Variants in LIMD1 observed in about 807,000 individuals in gnomAD.
LIMD1 encodes LIM domain-containing protein 1.
LIMD1 carries 23 observed loss-of-function variants against 58.4 expected under a neutral mutation model. The ratio of observed to expected loss-of-function variants is 0.39; its 90% CI spans 0.28 to 0.56. The LOEUF (loss-of-function observed/expected upper bound fraction) is 0.56. Among genes scored for constraint, LIMD1 ranks in the 20% least tolerant of loss-of-function variants. The pLI is 0.57. For synonymous variants in LIMD1, 334 were observed against 345.5 expected (o/e 0.97, Z 0.37); for missense variants, 838 against 855.5 (o/e 0.98, Z 0.25).
intron 2 of LIMD1, among the ~76,000 whole-genome samples, chr3:45,651,988 G>A (rs1315666834): frequency 6.6e-6 from 1 of 151,498 alleles, no homozygotes; most frequent in Non-Finnish European, 1.5e-5. Flanking sequence ...GTGCAATGGT[G>A]TGATCTCGGC....
chr3:45,609,424 G>A (rs1424735149), intron 1 of LIMD1, among the ~76,000 whole-genome samples: 1 of 152,144 alleles, frequency 6.6e-6, no homozygotes, highest in Admixed American at 6.5e-5. Flanking sequence ...GTACACTACA[G>A]CCTCAAGCTC....
At chr3:45,620,114 A>C (rs79207696) in intron 1 of LIMD1, among the ~76,000 whole-genome samples, 1 of 152,122 alleles carries the variant, frequency 6.6e-6, no homozygotes, top group Non-Finnish European at 1.5e-5. Flanking sequence ...TGCACTACTC[A>C]GCCTGCATGA....
In LIMD1 at chr3:45,650,703, A is replaced by G. The variant is rs1701959794; in HGVS notation, c.1510+14452A>G. 1.3e-5 allele frequency among the ~76,000 whole-genome samples: 2 copies of G among 152,186 alleles called. 1 individual carries two copies. Among genetic ancestry groups the G allele is most frequent in the South Asian group, 4.1e-4 (2 of 4,822 alleles). On this transcript the variant is annotated intron_variant, in intron 2 of 7. Coordinates refer to ENST00000273317, the MANE Select transcript of LIMD1 (RefSeq NM_014240.3). ...ATGGCTGCATAGTATTCCGTGGTGT[A>G]TATGTTCCACATTTTCTTTATCCAG...
At chr3:45,624,114 A>G (rs759971676) in intron 1 of LIMD1, among the ~76,000 whole-genome samples, 27 of 152,200 alleles carry the variant, frequency 1.8e-4, no homozygotes, top group Non-Finnish European at 3.7e-4. Context: ...GCCAAGAAAG[A>G]GCCTTGCTCA....
rs1701317611 is a variant in LIMD1, at chr3:45,594,799, A to ACACACACACACACACACACACACACAC, written c.-80_-54dup. 33 of 145,392 alleles carry ACACACACACACACACACACACACACAC rather than the reference A, an allele frequency of 2.3e-4. No individual in the cohort carries two copies. Among genetic ancestry groups the ACACACACACACACACACACACACACAC allele is most frequent in the Admixed American group, 1.1e-3 (7 of 6,454 alleles). 9.0% of individuals were successfully genotyped at this position (145,392 alleles called of 1,614,324 possible). ...CCTCAACACACACACACACACACAC[A>ACACACACACACACACACACACACACAC]CACACACACACACACACACACACAC... is the stretch of plus-strand genomic sequence containing the variant. On this transcript the variant is annotated 5_prime_UTR_variant, in exon 1 of 8. Coordinates refer to ENST00000273317, the MANE Select transcript of LIMD1 (RefSeq NM_014240.3).
In LIMD1 at chr3:45,636,176, G is replaced by A; in HGVS notation, c.1435G>A (p.Val479Met). Residue 479 changes from valine (V) to methionine (M), a missense_variant, in exon 2 of 8, where the codon GTG (valine) becomes ATG (methionine). Transcript: ENST00000273317. ...AGCCTGTGTGAAATGCAGCAAAGGG[G>A]TGTTTGGGGCTGGCCAGGCCTGTCA... The part of the protein sequence containing the change: ...FGACVKCSKG[V>M]FGAGQACQAM... 1 of 1,612,870 alleles carries A rather than the reference G, an allele frequency of 6.2e-7. No individual in the cohort carries two copies. Among genetic ancestry groups the A allele is most frequent in the Non-Finnish European group, 8.5e-7 (1 of 1,179,302 alleles).
chr3:45,634,544 C>T (rs894154505), intron 1 of LIMD1, among the ~76,000 whole-genome samples: 6 of 152,198 alleles, frequency 3.9e-5, no homozygotes, highest in South Asian at 4.1e-4. Context: ...TTATAATTTG[C>T]CTGTTAATTG....
intron 4 of LIMD1, among the ~76,000 whole-genome samples, chr3:45,671,117 GA>G (rs1463098603): frequency 6.6e-6 from 1 of 152,244 alleles, no homozygotes; most frequent in Non-Finnish European, 1.5e-5. Flanking sequence ...ATGGGTTTTG[GA>G]AGCCCAGCCA....
chr3:45,636,451 A>G (rs1456878356), intron 2 of LIMD1, among the ~76,000 whole-genome samples, 200 bp downstream of exon 2: 1 of 152,236 alleles, frequency 6.6e-6, no homozygotes, highest in African/African-American at 2.4e-5. Flanking sequence ...ACTTAACACA[A>G]TACCAAAGAT....
At position 45,650,377 on chromosome 3, in the gene LIMD1, T is replaced by G. The variant is rs1308553517; in HGVS notation, c.1510+14126T>G. 3.3e-5 allele frequency among the ~76,000 whole-genome samples: 5 copies of G among 152,328 alleles called. No individual in the cohort carries two copies. In the East Asian group the frequency reaches 9.6e-4, roughly 29 times the overall value. On this transcript the variant is annotated intron_variant, in intron 2 of 7. Transcript: ENST00000273317. Reference sequence around the variant, plus strand: ...TATACTTTAAGTTCTGGGGTACATGTGCACAATGTGCAGTTTTGTTACATA... The same window carrying G: ...TATACTTTAAGTTCTGGGGTACATGGGCACAATGTGCAGTTTTGTTACATA...
chr3:45,630,044 A>C (rs1701711484), intron 1 of LIMD1, among the ~76,000 whole-genome samples: 1 of 152,230 alleles, frequency 6.6e-6, no homozygotes, highest in Non-Finnish European at 1.5e-5. Context: ...GTCTAATTGC[A>C]GAGGAAAAAT....
chr3:45,662,874 C>T (rs926847744), intron 2 of LIMD1, among the ~76,000 whole-genome samples: 1 of 151,942 alleles, frequency 6.6e-6, no homozygotes. Context: ...ATCCCAGTTG[C>T]TTGGGAGGCT....
intron 2 of LIMD1, among the ~76,000 whole-genome samples, chr3:45,653,923 A>AG (rs1353482999): frequency 0.03 from 4,295 of 142,752 alleles, 192 homozygotes; most frequent in African/African-American, 0.1. Context: ...AAAAAAAAAA[A>AG]AAAGAAAAAG....
chr3:45,635,907 A>G, intron 1 of LIMD1: 2 of 985,286 alleles, frequency 2.0e-6, no homozygotes, highest in Non-Finnish European at 2.4e-6. Flanking sequence ...GGAATTCTGG[A>G]CATTAGCATA....
At chr3:45,672,161 A>G (rs1356269988) in intron 4 of LIMD1, among the ~76,000 whole-genome samples, 1 of 152,222 alleles carries the variant, frequency 6.6e-6, no homozygotes, top group African/African-American at 2.4e-5. Flanking sequence ...TCCAGAGTCA[A>G]AGCTGCATAG....
chr3:45,603,770 G>A (rs1701441337), intron 1 of LIMD1, among the ~76,000 whole-genome samples: 1 of 152,152 alleles, frequency 6.6e-6, no homozygotes, highest in African/African-American at 2.4e-5. Flanking sequence ...CCAAAGTGCT[G>A]GGATTACAGT....
chr3:45,601,713 G>T (rs1701414717), intron 1 of LIMD1, among the ~76,000 whole-genome samples: 2 of 152,182 alleles, frequency 1.3e-5, no homozygotes, highest in Admixed American at 6.5e-5. Flanking sequence ...GGCCAGAGAG[G>T]TTAAGTGACT....
In LIMD1 at chr3:45,596,192, C is replaced by G; in HGVS notation, c.1313C>G (p.Pro438Arg). 1 of 1,613,890 alleles carries G rather than the reference C, an allele frequency of 6.2e-7. No homozygotes were observed. ...RLPCQPLVPG[P>R]ELRPSAAELK... ...CCCTGCCAGCCCCTCGTCCCAGGTC[C>G]TGAGCTGAGACCCTCTGCTGCTGAG... Residue 438 changes from proline to arginine, a missense_variant, in exon 1 of 8, where the codon CCT becomes CGT. This residue lies in a region of LIMD1 where 659 missense variants were observed against 639.8 expected (regional missense o/e 1.03). Transcript: ENST00000273317.
chr3:45,667,563 T>G (rs1343232470), intron 3 of LIMD1, among the ~76,000 whole-genome samples: 2 of 149,200 alleles, frequency 1.3e-5, no homozygotes, highest in Non-Finnish European at 3.0e-5. Context: ...TCTAGTATGT[T>G]TTTTGAAGAG....
Sources: allele counts gnomAD v4.1 joint callset (sites outside exome capture counted in the v4.1 genomes callset), GRCh38; gene constraint gnomAD v4.1.1; regional missense constraint gnomAD v4.1.1; transcripts MANE v1.5; gene names NCBI Gene and HGNC (gene_info 2026-07-23, HGNC 2026-07-21).